ORC5: variants seen among roughly 807,000 people sequenced by gnomAD.
ORC5 encodes the protein protein phosphatase 1, regulatory subunit 117.
Under a neutral mutation model 58.8 loss-of-function variants are expected in ORC5, and 39 were observed. The observed-to-expected ratio is 0.66, with a 90% CI of 0.51 to 0.87. The LOEUF is 0.87. Ranked by LOEUF, ORC5 falls within the 40% of genes least tolerant of loss-of-function variation. The pLI is 0.00. For synonymous variants in ORC5, 218 were observed against 177.6 expected, an observed-to-expected ratio of 1.23 and a Z score of -1.81; for missense variants, 493 against 506.3, an observed-to-expected ratio of 0.97 and a Z score of 0.25.
At chr7:104,135,137 C>A (rs1456911603) in intron 13 of ORC5, among the ~76,000 whole-genome samples, 1 of 152,144 alleles carries the variant, frequency 6.6e-6, no homozygotes, top group African/African-American at 2.4e-5. Context: ...CCACAAACTT[C>A]TGTTTTGCAC....
At chr7:104,171,962 A>G (rs1799219771) in intron 8 of ORC5, among the ~76,000 whole-genome samples, 1 of 151,824 alleles carries the variant, frequency 6.6e-6, no homozygotes, top group Admixed American at 6.6e-5. Context: ...TCAGGGTTGA[A>G]CTCTCTTTCT....
At chr7:104,161,865 A>T (rs1340446950) in intron 11 of ORC5, among the ~76,000 whole-genome samples, 1 of 152,190 alleles carries the variant, frequency 6.6e-6, no homozygotes, top group East Asian at 1.9e-4. Flanking sequence ...CCAGATTCCT[A>T]AGTTGTAGAC....
At chr7:104,174,490 A>C (rs1279695146) in intron 8 of ORC5, among the ~76,000 whole-genome samples, 1 of 152,200 alleles carries the variant, frequency 6.6e-6, no homozygotes, top group Admixed American at 6.5e-5. Context: ...GTTCTTGGGC[A>C]TATTTTTTAA....
At chr7:104,206,170 A>G (rs1430029145) in intron 1 of ORC5, among the ~76,000 whole-genome samples, 1 of 152,214 alleles carries the variant, frequency 6.6e-6, no homozygotes, top group Non-Finnish European at 1.5e-5. Context: ...TTTCACCTTC[A>G]TAAATCTCGC....
At chr7:104,188,461 A>T (rs1049278225) in intron 5 of ORC5, 80 bp from the exon 6 acceptor site, 2 of 1,091,494 alleles carry the variant, frequency 1.8e-6, no homozygotes, top group Non-Finnish European at 2.6e-6. Flanking sequence ...TAACAAAGGT[A>T]TTAAAAAAAA....
intron 12 of ORC5, among the ~76,000 whole-genome samples, chr7:104,158,653 A>G (rs531103227): frequency 6.6e-6 from 1 of 152,198 alleles, no homozygotes; most frequent in South Asian, 2.1e-4. Flanking sequence ...CAACCCCATC[A>G]AAAAGTGGGC....
intron 12 of ORC5, among the ~76,000 whole-genome samples, chr7:104,157,721 T>A (rs1172484845): frequency 6.6e-6 from 1 of 152,100 alleles, no homozygotes; most frequent in Non-Finnish European, 1.5e-5. Flanking sequence ...AAGAGTTTAT[T>A]TCTAAAAACA....
chr7:104,201,804 C>T (rs764778904), intron 2 of ORC5, among the ~76,000 whole-genome samples: 3 of 151,920 alleles, frequency 2.0e-5, no homozygotes, highest in Non-Finnish European at 4.4e-5. Context: ...ACTGTAAGCA[C>T]TAGCTCTTTG....
chr7:104,199,159 A>G (rs1313663793), intron 3 of ORC5, among the ~76,000 whole-genome samples: 3 of 98,638 alleles, frequency 3.0e-5, no homozygotes, highest in Non-Finnish European at 6.3e-5. Flanking sequence ...GTGGGGTTGG[A>G]CCCCCCCTAC....
Position 104,200,791 on chromosome 7 carries a change from T to C in ORC5, c.333A>G (p.Thr111=). 1 of 1,610,010 alleles carries C rather than the reference T, an allele frequency of 6.2e-7. No individual in the cohort carries two copies. Residue 111 remains threonine (T), a synonymous_variant, in exon 3 of 14, where the codon ACA becomes ACG. Transcript: ENST00000297431. ...CAGTCTGATCTTTAAGATTTTCAGC[T>C]GTGGTTACTTGTTTAAACAAGCGAA... ...DFVRLFKQVT[T]AENLKDQTVY... is the part of the protein sequence containing the mutation.
At chr7:104,179,641 T>G (rs1047680937) in intron 8 of ORC5, among the ~76,000 whole-genome samples, 2 of 151,854 alleles carry the variant, frequency 1.3e-5, no homozygotes, top group African/African-American at 2.4e-5. Flanking sequence ...TAAACTGCAG[T>G]TTTTTTTGTT....
intron 6 of ORC5, among the ~76,000 whole-genome samples, chr7:104,184,755 TTC>T (rs1799508401): frequency 6.6e-6 from 1 of 152,314 alleles, no homozygotes; most frequent in Admixed American, 6.5e-5. Flanking sequence ...CAAACAGGCT[TTC>T]TCTGATCACC....
intron 1 of ORC5, among the ~76,000 whole-genome samples, chr7:104,205,414 A>G (rs1413574165): frequency 1.3e-5 from 2 of 152,072 alleles, no homozygotes; most frequent in Non-Finnish European, 2.9e-5. Context: ...ATTTTTTTAA[A>G]TAATTACAAG....
In ORC5 at chr7:104,188,308, G is replaced by A. The variant is rs1799595554; in HGVS notation, c.627C>T (p.Asn209=). The change falls in exon 6 of 14, where the codon AAC becomes AAT. Residue 209 remains asparagine, a synonymous_variant. Coordinates refer to ENST00000297431, the MANE Select transcript of ORC5 (RefSeq NM_002553.4). ...CAGTGTAGAAAACTCCAAGAAGAATGTTAATGTAGGCAGCATAGAAATCAG... is the reference window on the plus strand; with the variant it reads ...CAGTGTAGAAAACTCCAAGAAGAATATTAATGTAGGCAGCATAGAAATCAG... The part of the protein sequence containing the change: ...YSADFYAAYI[N]ILLGVFYTVC... The A allele has an allele frequency of 6.2e-7, 1 of 1,612,936 alleles. No homozygotes were observed.
At chr7:104,174,127 A>G (rs1341852647) in intron 8 of ORC5, among the ~76,000 whole-genome samples, 2 of 152,034 alleles carry the variant, frequency 1.3e-5, no homozygotes, top group Non-Finnish European at 2.9e-5. Context: ...TACAGGCGTG[A>G]GCCACCGCGC....
chr7:104,172,972 C>A (rs1237920162), intron 8 of ORC5, among the ~76,000 whole-genome samples: 1 of 133,970 alleles, frequency 7.5e-6, no homozygotes, highest in Non-Finnish European at 1.6e-5. Context: ...TTTCCTATAG[C>A]TTTCCAGGTT....
intron 8 of ORC5, among the ~76,000 whole-genome samples, chr7:104,173,278 T>C (rs1489910515): frequency 1.3e-5 from 2 of 152,262 alleles, no homozygotes; most frequent in Non-Finnish European, 2.9e-5. Flanking sequence ...AAAACAATTA[T>C]GTAATTCTCC....
intron 12 of ORC5, among the ~76,000 whole-genome samples, chr7:104,159,628 G>A (rs1275803268): frequency 6.6e-6 from 1 of 151,674 alleles, no homozygotes; most frequent in African/African-American, 2.4e-5. Context: ...CCCTCACACA[G>A]GTAATTTGTG....
intron 11 of ORC5, among the ~76,000 whole-genome samples, chr7:104,161,628 C>T (rs545466908): frequency 6.2e-4 from 95 of 152,308 alleles, no homozygotes; most frequent in African/African-American, 2.2e-3. Context: ...CCCACCTTGG[C>T]CTCCCAAAGT....
Sources: gnomAD v4.1 joint callset for allele counts (sites outside exome capture counted in the v4.1 genomes callset) on GRCh38, gnomAD v4.1.1 for gene constraint, MANE v1.5 for transcripts, NCBI Gene and HGNC (gene_info 2026-07-23, HGNC 2026-07-21) for gene names.